The following ACYP2 variants were observed in gnomAD, a reference collection of about 807,000 sequenced individuals.
ACYP2 encodes the protein acylphosphatase-2.
In ACYP2, 12 loss-of-function variants were observed where a neutral mutation model predicts 11.2. That is an observed-to-expected ratio of 1.08 (90% CI 0.69 to 1.74). The LOEUF (loss-of-function observed/expected upper bound fraction) is 1.74. Among genes scored for constraint, ACYP2 ranks in the 40% most tolerant of loss-of-function variants. The pLI, the probability that ACYP2 is intolerant of heterozygous loss-of-function variation, is 0.00. For missense variants in ACYP2, 134 were observed against 101.9 expected, an observed-to-expected ratio of 1.31 and a Z score of -1.35; for synonymous variants, 43 against 32.2, an observed-to-expected ratio of 1.33 and a Z score of -1.13.
intron 6 of ACYP2, among the ~76,000 whole-genome samples, chr2:54,278,056 C>T (rs1330639122): frequency 6.6e-6 from 1 of 152,166 alleles, no homozygotes; most frequent in Non-Finnish European, 1.5e-5. Flanking sequence ...CGGCTCACTG[C>T]AAGCTCTGCC....
rs1400744201 is a variant in ACYP2, at chr2:54,146,782, T to C, written c.404+8034T>C. On this transcript the variant is annotated intron_variant, in intron 6 of 6. Transcript: ENST00000607452. The stretch of plus-strand genomic sequence containing the variant: ...TATCTTTCTTTTCAAAGTATTCTTC[T>C]GATTTTTGCATTGTCTCTTTTTTTT... 1.3e-5 allele frequency among the ~76,000 whole-genome samples: 2 copies of C among 152,006 alleles called. 1 individual carries two copies. Among genetic ancestry groups the C allele is most frequent in the African/African-American group, 4.8e-5 (2 of 41,362 alleles).
chr2:54,164,730 A>G (rs1470787625), intron 6 of ACYP2, among the ~76,000 whole-genome samples: 1 of 152,178 alleles, frequency 6.6e-6, no homozygotes, highest in African/African-American at 2.4e-5. Context: ...TCTGGGATAC[A>G]TGTGCAGAAC....
chr2:54,032,648 T>A (rs1573563775), intron 2 of ACYP2, among the ~76,000 whole-genome samples: 1 of 152,310 alleles, frequency 6.6e-6, no homozygotes, highest in East Asian at 1.9e-4. Context: ...AGTAGTTTTT[T>A]CCAATTCTGT....
intron 6 of ACYP2, among the ~76,000 whole-genome samples, chr2:54,241,349 A>G (rs1346863394): frequency 6.6e-6 from 1 of 152,224 alleles, no homozygotes; most frequent in Non-Finnish European, 1.5e-5. Flanking sequence ...AGCTGGTTTA[A>G]GTATGATATT....
intron 4 of ACYP2, among the ~76,000 whole-genome samples, chr2:54,129,162 A>T (rs1174556305): frequency 6.6e-6 from 1 of 152,230 alleles, no homozygotes. Flanking sequence ...TATTATGCAC[A>T]CAACCAAACA....
rs146708277 is a variant in ACYP2 at position 54,225,800 on chromosome 2, C to T, written c.405-78888C>T. Reference sequence around the variant, plus strand: ...GAATACCTTAAGTATTTTTTTTTTACTTGTTTCTTAGACAAATAATAAAAT... The same window carrying T: ...GAATACCTTAAGTATTTTTTTTTTATTTGTTTCTTAGACAAATAATAAAAT... On this transcript the variant is annotated intron_variant, in intron 6 of 6. Transcript: ENST00000607452. 5.2e-3 allele frequency among the ~76,000 whole-genome samples: 783 copies of T among 150,932 alleles called. 10 individuals carry two copies. The highest frequency in any genetic ancestry group is 0.018 in the African/African-American group (747 of 41,226).
chr2:54,035,243 G>C (rs887959805), intron 2 of ACYP2, among the ~76,000 whole-genome samples: 2 of 150,312 alleles, frequency 1.3e-5, no homozygotes, highest in Admixed American at 1.3e-4. Context: ...ACTCTAACTA[G>C]AGACAATTTC....
At chr2:54,010,933 T>TGCTA (rs952707052) in intron 2 of ACYP2, among the ~76,000 whole-genome samples, 3 of 151,930 alleles carry the variant, frequency 2.0e-5, no homozygotes, top group African/African-American at 7.3e-5. Flanking sequence ...CTTCCCAAAG[T>TGCTA]GCTAGGATTA....
intron 6 of ACYP2, among the ~76,000 whole-genome samples, chr2:54,178,448 T>G (rs936822581): frequency 2.0e-5 from 3 of 152,212 alleles, no homozygotes; most frequent in Non-Finnish European, 4.4e-5. Context: ...TCAAGATGAT[T>G]GGGCTGGCTA....
intron 6 of ACYP2, among the ~76,000 whole-genome samples, chr2:54,227,582 C>T (rs904456511): frequency 1.3e-5 from 2 of 151,884 alleles, no homozygotes; most frequent in Non-Finnish European, 2.9e-5. Flanking sequence ...CGAGACTGCG[C>T]CACTGCACTC....
chr2:54,056,397 G>T (rs1026986510), intron 3 of ACYP2, among the ~76,000 whole-genome samples: 2 of 152,190 alleles, frequency 1.3e-5, no homozygotes, highest in African/African-American at 4.8e-5. Flanking sequence ...ACTGATTTAG[G>T]TTTGATCATA....
At chr2:53,980,560 T>TA (rs1236416225) in intron 2 of ACYP2, among the ~76,000 whole-genome samples, 3 of 151,756 alleles carry the variant, frequency 2.0e-5, no homozygotes, top group South Asian at 2.1e-4. Flanking sequence ...CTATAAAAAA[T>TA]AAAAAAATAA....
chr2:54,106,092 T>C (rs950189709), intron 4 of ACYP2, among the ~76,000 whole-genome samples: 2 of 152,180 alleles, frequency 1.3e-5, no homozygotes, highest in African/African-American at 4.8e-5. Flanking sequence ...AAAATGCCAC[T>C]GCAAATGTAA....
chr2:54,029,681 C>T, intron 2 of ACYP2: 1 of 493,064 alleles, frequency 2.0e-6, no homozygotes, highest in South Asian at 1.7e-5. Context: ...GCTTAAAGTG[C>T]TTAATACCCA....
At chr2:54,238,787 T>C (rs1440145331) in intron 6 of ACYP2, among the ~76,000 whole-genome samples, 1 of 152,018 alleles carries the variant, frequency 6.6e-6, no homozygotes, top group African/African-American at 2.4e-5. Context: ...TATAAAATTA[T>C]TGTGATTGCA....
At chr2:54,003,656 T>C (rs1309540054) in intron 2 of ACYP2, among the ~76,000 whole-genome samples, 1 of 152,230 alleles carries the variant, frequency 6.6e-6, no homozygotes, top group East Asian at 1.9e-4. Flanking sequence ...TCTTGTTTTT[T>C]TCCCCCAGTT....
rs578035722 is a variant in ACYP2 at position 54,304,920 on chromosome 2, G to GCGACTGTA, written c.*121_*128dup. 221 of 496,960 alleles carry GCGACTGTA rather than the reference G, an allele frequency of 4.4e-4. 4 individuals carry two copies. In the South Asian group the frequency reaches 0.011, roughly 25 times the overall value. The allele number at this position is 496,960 out of a possible 1,614,324, so 30.8% of individuals were successfully genotyped here. ...AGGAACTTTCTGTTCTGAAAGCTAA[G>GCGACTGTA]CGACTGTACGTGCTACTAAAAATGT... On this transcript the variant is annotated 3_prime_UTR_variant, in exon 7 of 7. Transcript: ENST00000607452.
chr2:54,182,982 C>T (rs1683810412), intron 6 of ACYP2, among the ~76,000 whole-genome samples: 1 of 152,102 alleles, frequency 6.6e-6, no homozygotes, highest in Non-Finnish European at 1.5e-5. Flanking sequence ...AAATATAACT[C>T]AAGCTAGGAA....
intron 6 of ACYP2, among the ~76,000 whole-genome samples, chr2:54,261,711 A>G (rs1239568834): frequency 6.6e-6 from 1 of 152,220 alleles, no homozygotes; most frequent in Non-Finnish European, 1.5e-5. Context: ...TTTAACATAC[A>G]GAACTATTTT....
Sources: allele counts gnomAD v4.1 joint callset (sites outside exome capture counted in the v4.1 genomes callset), GRCh38; gene constraint gnomAD v4.1.1; transcripts MANE v1.5; gene names NCBI Gene and HGNC (gene_info 2026-07-23, HGNC 2026-07-21).